Variants in KIF1A observed in about 807,000 individuals in gnomAD.
The protein encoded by KIF1A is kinesin-like protein KIF1A.
In KIF1A, 46 loss-of-function variants were observed where a neutral mutation model predicts 227.3. The ratio of observed to expected loss-of-function variants is 0.20; its 90% CI spans 0.16 to 0.26. The LOEUF (loss-of-function observed/expected upper bound fraction) is 0.26. Among genes scored for constraint, KIF1A ranks in the 10% least tolerant of loss-of-function variants. The pLI is 1.00. For synonymous variants in KIF1A, 1,022 were observed against 1,012.8 expected (o/e 1.01, Z -0.17); for missense variants, 1,683 against 2,485.9 (o/e 0.68, Z 6.87).
chr2:240,717,534 A>C, intron 48 of KIF1A, 128 bp from the exon 49 acceptor site: 2 of 795,514 alleles, frequency 2.5e-6, no homozygotes, highest in Non-Finnish European at 4.2e-6. Flanking sequence ...TGGTTCCCTC[A>C]CCACCTGGGG....
chr2:240,778,610 C>T lies in KIF1A; in HGVS notation c.883-2684G>A, dbSNP rs2053100397. On this transcript the variant is annotated intron_variant, in intron 10 of 48. Transcript: ENST00000498729. This position sits in a 1 kb window ranked among gnomAD's most constrained non-coding sequence, Gnocchi z 7.2. ...CTCCCGAAAACCCCTTCAGCTCGGC[C>T]CCCGTCCCCACACAGCTCCCCACCC... Among the ~76,000 whole-genome samples the T allele has an allele frequency of 6.6e-6, 1 of 151,486 alleles. No homozygotes were observed. The highest frequency in any genetic ancestry group is 1.5e-5 in the Non-Finnish European group (1 of 67,910).
chr2:240,807,797 G>A (rs2126209468), intron 1 of KIF1A, among the ~76,000 whole-genome samples: 1 of 152,220 alleles, frequency 6.6e-6, no homozygotes, highest in Non-Finnish European at 1.5e-5. Context: ...AGAAAATACA[G>A]TAACAAATAA....
chr2:240,717,371 C>T lies in KIF1A; in HGVS notation c.5369G>A (p.Arg1790Gln), dbSNP rs1349426679. Residue 1790 changes from arginine to glutamine, a missense_variant, in exon 49 of 49, where the codon CGG (arginine) becomes CAG (glutamine). By Grantham distance (43) the Arg-to-Gln change is conservative. Transcript: ENST00000498729. The stretch of plus-strand genomic sequence containing the variant: ...TCACGGGAGGGCTCAGGTTCAGACC[C>T]GCATCTGGGCAGACCTCCTTCTGGA... The part of the protein sequence containing the change: ...KLSRRRSAQM[R>Q]V 1.2e-5 allele frequency: 20 copies of T among 1,611,642 alleles called. No individual in the cohort carries two copies. Among genetic ancestry groups the T allele is most frequent in the East Asian group, 4.5e-5 (2 of 44,886 alleles).
At position 240,789,281 on chromosome 2, in the gene KIF1A, C is replaced by G. The variant is rs192880105; in HGVS notation, c.138G>C (p.Thr46=). The G allele has an allele frequency of 2.5e-6, 4 of 1,613,860 alleles. No homozygotes were observed. The African/African-American group carries it at 5.3e-5, about 22-fold the overall frequency. The change falls in exon 3 of 49, where the codon ACG becomes ACC. Residue 46 remains threonine (T), a synonymous_variant. Transcript: ENST00000498729. This position sits in a 1 kb window ranked among gnomAD's most constrained non-coding sequence, Gnocchi z 4.8. The part of the protein sequence containing the change: ...TIVNPKQPKE[T]PKSFSFDYSY... ...AGTAGTCAAAGCTGAAGCTTTTGGG[C>G]GTCTCCTTGGGCTGTTTGGGGTTAA...
chr2:240,717,301 G>T lies in KIF1A; in HGVS notation c.*63C>A. 1 of 1,493,426 alleles carries T rather than the reference G, an allele frequency of 6.7e-7. No individual in the cohort carries two copies. The highest frequency in any genetic ancestry group is 9.3e-7 in the Non-Finnish European group (1 of 1,077,730). The allele number at this position is 1,493,426 out of a possible 1,614,324, so 92.5% of individuals were successfully genotyped here. A position where few individuals can be genotyped will look rare whatever the true frequency, so the allele number is the denominator to read the frequency against. On this transcript the variant is annotated 3_prime_UTR_variant, in exon 49 of 49. Coordinates refer to ENST00000498729, the MANE Select transcript of KIF1A (RefSeq NM_001244008.2). ...GAGAGGGGCTGGGCGGCAGGTGACA[G>T]GACAGACGAGGATGAGGGAGGGGAT... is the stretch of plus-strand genomic sequence containing the variant.
chr2:240,717,668 G>A (rs1447474938), intron 48 of KIF1A, among the ~76,000 whole-genome samples: 2 of 152,326 alleles, frequency 1.3e-5, no homozygotes, highest in East Asian at 1.9e-4. Context: ...AAGGGCACAC[G>A]GTTTCCCCAT....
At chr2:240,807,332 ATGGTTTCTCCATGT>A (rs2057519754) in intron 1 of KIF1A, among the ~76,000 whole-genome samples, 1 of 152,012 alleles carries the variant, frequency 6.6e-6, no homozygotes, top group Admixed American at 6.5e-5. Context: ...TAGTAGATAC[ATGGTTTCTCCATGT>A]TGGTCAGGCT....
rs1404936554 is a variant in KIF1A at position 240,740,993 on chromosome 2, G to A, written c.3749+276C>T. Among the ~76,000 whole-genome samples, 1 of 152,074 alleles carries A rather than the reference G, an allele frequency of 6.6e-6. No individual in the cohort carries two copies. The highest frequency in any genetic ancestry group is 1.5e-5 in the Non-Finnish European group (1 of 67,988). Reference sequence around the variant, plus strand: ...CTGCCCTGCCCCTGAGCCATACCCTGGTTTGCTGTCCTAGTGCTCAGGACC... The same window carrying A: ...CTGCCCTGCCCCTGAGCCATACCCTAGTTTGCTGTCCTAGTGCTCAGGACC... On this transcript the variant is annotated intron_variant, in intron 35 of 48. Coordinates refer to ENST00000498729, the MANE Select transcript of KIF1A (RefSeq NM_001244008.2). This position sits in a 1 kb window ranked among gnomAD's most constrained non-coding sequence, Gnocchi z 6.1.
At chr2:240,791,778 A>T (rs1307363054) in intron 2 of KIF1A, among the ~76,000 whole-genome samples, 3 of 152,146 alleles carry the variant, frequency 2.0e-5, no homozygotes, top group African/African-American at 7.2e-5. Context: ...AGCACAGGTG[A>T]GTGGGCGGGA....
At position 240,740,119 on chromosome 2, in the gene KIF1A, C is replaced by T; in HGVS notation, c.3840G>A (p.Val1280=). ...GGCTGCCTGTCTCATGCAGTAGTGT[C>T]ACCGTAATCCGTCGCTGGATGCCCT... The part of the protein sequence containing the change: ...LHQGIQRRIT[V]TLLHETGSHI... The change falls in exon 37 of 49, where the codon GTG becomes GTA. Residue 1280 remains valine (V), a synonymous_variant. Coordinates refer to ENST00000498729, the MANE Select transcript of KIF1A (RefSeq NM_001244008.2). This position sits in a 1 kb window ranked among gnomAD's most constrained non-coding sequence, Gnocchi z 6.1. 6.3e-7 allele frequency: 1 copy of T among 1,590,064 alleles called. No homozygotes were observed. Among genetic ancestry groups the T allele is most frequent in the Non-Finnish European group, 8.6e-7 (1 of 1,168,780 alleles).
rs1413276875 is a variant in KIF1A, at chr2:240,789,653, G to A, written c.107-341C>T. ...AAGCTGCGGCCCCTCCATCTCTGGT[G>A]TCCACCTTGGGCTCACAGCCCCTGC... On this transcript the variant is annotated intron_variant, in intron 2 of 48. Transcript: ENST00000498729. This position sits in a 1 kb window ranked among gnomAD's most constrained non-coding sequence, Gnocchi z 4.8. Among the ~76,000 whole-genome samples the A allele has an allele frequency of 6.6e-6, 1 of 152,206 alleles. No individual in the cohort carries two copies. Among genetic ancestry groups the A allele is most frequent in the African/African-American group, 2.4e-5 (1 of 41,454 alleles).
intron 6 of KIF1A, among the ~76,000 whole-genome samples, chr2:240,785,691 A>G (rs553882808): frequency 1.5e-4 from 23 of 152,286 alleles, no homozygotes; most frequent in South Asian, 6.2e-4. Context: ...CGGAGTCACA[A>G]TGACGGCCAG....
intron 31 of KIF1A, 106 bp from the exon 32 acceptor site, chr2:240,745,623 G>T: frequency 6.7e-7 from 1 of 1,483,294 alleles, no homozygotes; most frequent in South Asian, 1.2e-5. Context: ...CAGGGCCTGC[G>T]GGCTGGGCCA....
intron 27 of KIF1A, among the ~76,000 whole-genome samples, chr2:240,754,267 C>T (rs563377015): frequency 3.5e-4 from 54 of 152,362 alleles, no homozygotes; most frequent in African/African-American, 1.3e-3. Context: ...ATCTCTACAG[C>T]ACCCTGTGAG....
At position 240,721,289 on chromosome 2, in the gene KIF1A, G is replaced by A. The variant is rs551829452; in HGVS notation, c.4744-251C>T. 6.0e-4 allele frequency among the ~76,000 whole-genome samples: 91 copies of A among 152,314 alleles called. 1 individual carries two copies. Among genetic ancestry groups the A allele is most frequent in the Admixed American group, 2.9e-3 (44 of 15,306 alleles). ...CAGGCAGCCACCCTGCCAATGCCTC[G>A]AGGAGTGGGCTGGGTAAGCTCTGCC... On this transcript the variant is annotated intron_variant, in intron 44 of 48. Coordinates refer to ENST00000498729, the MANE Select transcript of KIF1A (RefSeq NM_001244008.2).
intron 18 of KIF1A, 101 bp from the exon 19 acceptor site, chr2:240,767,122 A>C: frequency 8.7e-7 from 1 of 1,154,288 alleles, no homozygotes; most frequent in East Asian, 2.5e-5. Context: ...TGTTTGGGAA[A>C]CACCCAGCGC....
intron 1 of KIF1A, among the ~76,000 whole-genome samples, chr2:240,802,403 T>C (rs1391789178): frequency 6.6e-6 from 1 of 152,156 alleles, no homozygotes; most frequent in Non-Finnish European, 1.5e-5. Context: ...TATGAAAACA[T>C]AATTGTCAAG....
rs1001432481 is a variant in KIF1A at position 240,717,249 on chromosome 2, T to A, written c.*115A>T. On this transcript the variant is annotated 3_prime_UTR_variant, in exon 49 of 49. Transcript: ENST00000498729. ...CCTGGCATGGGCGTCCCCTGGGGGG[T>A]CGACCCGGTCGTGGGCTGTCTGGCA... 1 of 1,008,658 alleles carries A rather than the reference T, an allele frequency of 9.9e-7. No individual in the cohort carries two copies. Among genetic ancestry groups the A allele is most frequent in the Non-Finnish European group, 1.5e-6 (1 of 668,492 alleles). The allele number at this position is 1,008,658 out of a possible 1,614,324, so 62.5% of individuals were successfully genotyped here.
chr2:240,768,499 T>G (rs2125933385), intron 17 of KIF1A, among the ~76,000 whole-genome samples: 1 of 152,128 alleles, frequency 6.6e-6, no homozygotes, highest in Non-Finnish European at 1.5e-5. Context: ...TTGGGGTGGG[T>G]GTGTGGGGGT....
Sources: gnomAD v4.1 joint callset for allele counts (sites outside exome capture counted in the v4.1 genomes callset) on GRCh38, gnomAD v4.1.1 for gene constraint, Gnocchi (gnomAD v3.1) non-coding constraint, MANE v1.5 for transcripts, NCBI Gene and HGNC (gene_info 2026-07-23, HGNC 2026-07-21) for gene names.